The following PMS2 variants were observed in gnomAD, a reference collection of about 807,000 sequenced individuals.
PMS2 encodes the protein mismatch repair endonuclease PMS2.
In PMS2, 69 loss-of-function variants were observed where a neutral mutation model predicts 90.0. The observed-to-expected ratio is 0.77, with a 90% CI of 0.63 to 0.94. The LOEUF is 0.94. Among genes scored for constraint, PMS2 ranks in the 40% least tolerant of loss-of-function variants. The probability of loss-of-function intolerance (pLI) is 0.00; values close to 1 mark genes in which losing one functional copy is unlikely to be tolerated. For missense variants in PMS2, 966 were observed against 1,040.2 expected, an observed-to-expected ratio of 0.93 and a Z score of 0.98; for synonymous variants, 332 against 375.1, an observed-to-expected ratio of 0.89 and a Z score of 1.33.
chr7:5,990,040 C>T (rs900685046), intron 9 of PMS2, 85 bp from the exon 10 acceptor site: 1 of 940,972 alleles, frequency 1.1e-6, no homozygotes, highest in Non-Finnish European at 1.6e-6. Flanking sequence ...CAGCGTCTCA[C>T]TCTGTCGCCT....
At chr7:5,994,601 G>A (rs903432668) in intron 8 of PMS2, among the ~76,000 whole-genome samples, 42 of 151,316 alleles carry the variant, frequency 2.8e-4, no homozygotes, top group Admixed American at 5.3e-4. Context: ...GTGAAACCCC[G>A]TCTCTACTAA....
At chr7:5,981,363 G>A (rs1374284806) in intron 12 of PMS2, among the ~76,000 whole-genome samples, 1 of 149,806 alleles carries the variant, frequency 6.7e-6, no homozygotes, top group Non-Finnish European at 1.5e-5. Flanking sequence ...TCCCACCTCA[G>A]CCTCCCGAAT....
chr7:5,986,969 T>C lies in PMS2; in HGVS notation c.1796A>G (p.Asp599Gly), dbSNP rs878854039. The part of the protein sequence containing the change: ...DICQKLVNTQ[D>G]MSASQVDVAV... ...TACATCAACCTGAGAGGCTGACATG[T>C]CCTGAGTATTTACTAACTTTTGACA... Residue 599 changes from aspartate to glycine, a missense_variant, in exon 11 of 15, where the codon GAC becomes GGC. By Grantham distance (94) the Asp-to-Gly change is moderately conservative. This residue lies in a region of PMS2 where 871 missense variants were observed against 802.4 expected (regional missense o/e 1.09). Transcript: ENST00000265849. 2.5e-6 allele frequency: 4 copies of C among 1,614,080 alleles called. No homozygotes were observed. Among genetic ancestry groups the C allele is most frequent in the Non-Finnish European group, 3.4e-6 (4 of 1,179,930 alleles).
At chr7:6,004,897 TA>T (rs900196207) in intron 2 of PMS2, among the ~76,000 whole-genome samples, 2 of 152,124 alleles carry the variant, frequency 1.3e-5, no homozygotes, top group Non-Finnish European at 2.9e-5. Context: ...TGGTTTTTTT[TA>T]TTTTATTATT....
At chr7:6,003,594 T>A in intron 4 of PMS2, 96 bp downstream of exon 4, 1 of 725,750 alleles carries the variant, frequency 1.4e-6, no homozygotes, top group South Asian at 1.5e-5. Flanking sequence ...GAAGTTGAGA[T>A]GTTGAGATAG....
intron 10 of PMS2, among the ~76,000 whole-genome samples, chr7:5,989,071 C>T (rs940998034): frequency 3.9e-5 from 6 of 152,054 alleles, no homozygotes; most frequent in African/African-American, 9.7e-5. Context: ...TAGATAGTCT[C>T]GATCTCCTGA....
intron 6 of PMS2, among the ~76,000 whole-genome samples, chr7:5,998,702 A>T (rs542130140): frequency 4.7e-5 from 7 of 149,758 alleles, no homozygotes; most frequent in Non-Finnish European, 7.4e-5. Flanking sequence ...TCAAAAAAAA[A>T]AAAAACCGGC....
Position 5,983,094 on chromosome 7 carries a change from A to T in PMS2, c.2007-103T>A. On this transcript the variant is annotated intron_variant, in intron 11 of 14. Transcript: ENST00000265849. ...AAAAAAGTCAAACAATACAAAAACA[A>T]AATAAAGTCCCTAGCCATCCCGCTT... 2.0e-6 allele frequency: 3 copies of T among 1,510,434 alleles called. No homozygotes were observed. The South Asian group carries it at 3.6e-5, about 18-fold the overall frequency. 93.6% of individuals were successfully genotyped at this position (1,510,434 alleles called of 1,614,324 possible).
chr7:5,997,245 G>T, intron 7 of PMS2, 81 bp downstream of exon 7: 1 of 741,428 alleles, frequency 1.3e-6, no homozygotes, highest in Non-Finnish European at 2.4e-6. Flanking sequence ...GAAACTATTA[G>T]CCTTAGAATC....
At position 5,996,624 on chromosome 7, in the gene PMS2, G is replaced by C. The variant is rs914631573; in HGVS notation, c.803+702C>G. Among the ~76,000 whole-genome samples the C allele has an allele frequency of 5.0e-5, 7 of 139,094 alleles. No individual in the cohort carries two copies. In the South Asian group the frequency reaches 7.1e-4, roughly 14 times the overall value. The allele number at this position is 139,094 out of a possible 152,430, so 91.3% of individuals were successfully genotyped here. A position where few individuals can be genotyped will look rare whatever the true frequency, so the allele number is the denominator to read the frequency against. ...ATATATATATATATACACACAGATA[G>C]ATAGATATCTTTACAGGACCAATCC... On this transcript the variant is annotated intron_variant, in intron 7 of 14. Transcript: ENST00000265849.
intron 12 of PMS2, among the ~76,000 whole-genome samples, chr7:5,979,434 T>C (rs949603240): frequency 6.7e-6 from 1 of 149,216 alleles, no homozygotes; most frequent in Non-Finnish European, 1.5e-5. Flanking sequence ...GTAGTTTGCT[T>C]TTTCCTCAGC....
intron 5 of PMS2, among the ~76,000 whole-genome samples, chr7:6,000,368 T>C (rs1023925461): frequency 1.6e-5 from 2 of 124,330 alleles, no homozygotes; most frequent in East Asian, 2.5e-4. Flanking sequence ...AGCAAGACCC[T>C]GTCTCAATTA....
At position 5,984,635 on chromosome 7, in the gene PMS2, A is replaced by G. The variant is rs529158950; in HGVS notation, c.2007-1644T>C. On this transcript the variant is annotated intron_variant, in intron 11 of 14. Transcript: ENST00000265849. ...CCCCATCTCTACTAAAAATAAAAAAATTAGCCAGGCATGGTGGTGGACACC... is the reference window on the plus strand; with the variant it reads ...CCCCATCTCTACTAAAAATAAAAAAGTTAGCCAGGCATGGTGGTGGACACC... 1.8e-4 allele frequency among the ~76,000 whole-genome samples: 27 copies of G among 151,816 alleles called. 2 individuals are homozygous for G. Among genetic ancestry groups the G allele is most frequent in the African/African-American group, 6.6e-4 (27 of 41,138 alleles).
chr7:5,987,462 G>A lies in PMS2; in HGVS notation c.1303C>T (p.His435Tyr), dbSNP rs148956636. 2 of 1,614,156 alleles carry A rather than the reference G, an allele frequency of 1.2e-6. No homozygotes were observed. Among genetic ancestry groups the A allele is most frequent in the East Asian group, 2.2e-5 (1 of 44,884 alleles). ...CTTGGTTCTGGAGTCTTTGGGCTGT[G>A]AGGCTTGTTCTCTGTTGTGTGACGA... is the stretch of plus-strand genomic sequence containing the variant. ...SLRHTTENKP[H>Y]SPKTPEPRRS... Residue 435 changes from histidine (H) to tyrosine (Y), a missense_variant, in exon 11 of 15, where the codon CAC becomes TAC. His to Tyr is a moderately conservative substitution (Grantham distance 83, BLOSUM62 2). Around this residue, in one of 2 missense-constraint regions of PMS2, gnomAD observed 871 missense variants for 802.4 expected, o/e 1.09. Transcript: ENST00000265849.
intron 6 of PMS2, 46 bp from the exon 7 acceptor site, chr7:5,997,469 A>G (rs2128789536): frequency 1.9e-6 from 2 of 1,046,692 alleles, no homozygotes; most frequent in Non-Finnish European, 2.9e-6. Context: ...TAATAAAGAC[A>G]GAGTGGACTT....
intron 6 of PMS2, among the ~76,000 whole-genome samples, chr7:5,998,643 A>G (rs1784709087): frequency 1.3e-5 from 2 of 150,902 alleles, no homozygotes; most frequent in African/African-American, 4.9e-5. Context: ...GCAGTGAGCC[A>G]AGATGGCGCC....
intron 4 of PMS2, among the ~76,000 whole-genome samples, chr7:6,002,992 T>C (rs2128821480): frequency 6.6e-6 from 1 of 152,308 alleles, no homozygotes. Flanking sequence ...ACAAATATTA[T>C]AATTAAAATG....
chr7:5,992,101 TC>T (rs769023889), intron 8 of PMS2, 44 bp from the exon 9 acceptor site: 4 of 1,012,032 alleles, frequency 4.0e-6, no homozygotes, highest in Non-Finnish European at 6.3e-6. Context: ...TGACAAATGT[TC>T]CCAGCCCCCC....
At chr7:5,986,312 T>C (rs1025305525) in intron 11 of PMS2, among the ~76,000 whole-genome samples, 10 of 152,022 alleles carry the variant, frequency 6.6e-5, no homozygotes, top group African/African-American at 2.2e-4. Context: ...TGGGCTCAAG[T>C]GATCCTCCCT....
Sources: gnomAD v4.1 joint callset for allele counts (sites outside exome capture counted in the v4.1 genomes callset) on GRCh38, gnomAD v4.1.1 for gene constraint, gnomAD v4.1.1 regional missense constraint, MANE v1.5 for transcripts, NCBI Gene and HGNC (gene_info 2026-07-23, HGNC 2026-07-21) for gene names.